The following NCAPD3 variants were observed in gnomAD, a reference collection of about 807,000 sequenced individuals.
NCAPD3 encodes the protein condensin-2 complex subunit D3.
Under a neutral mutation model 182.9 loss-of-function variants are expected in NCAPD3, and 105 were observed. The ratio of observed to expected loss-of-function variants is 0.57; its 90% confidence interval spans 0.49 to 0.68. NCAPD3 has a LOEUF of 0.68. NCAPD3 is among the 30% of genes least tolerant of loss of function. NCAPD3 has a pLI of 0.00. For missense variants in NCAPD3, 1,944 were observed against 1,837.0 expected (o/e 1.06, Z -1.07); for synonymous variants, 815 against 679.9 (o/e 1.20, Z -3.09).
At chr11:134,162,626 T>C (rs1943619129) in intron 27 of NCAPD3, among the ~76,000 whole-genome samples, 1 of 152,222 alleles carries the variant, frequency 6.6e-6, no homozygotes, top group South Asian at 2.1e-4. Context: ...TAAAAAGTCT[T>C]ATCAGAGTTC....
At chr11:134,203,520 TA>T in intron 11 of NCAPD3, 133 bp downstream of exon 11, 2 of 1,213,748 alleles carry the variant, frequency 1.6e-6, no homozygotes, top group South Asian at 1.6e-5. Context: ...GAAAATATAC[TA>T]AAAATGGTTT....
chr11:134,167,699 CACTAG>C (rs1943890033), intron 27 of NCAPD3, among the ~76,000 whole-genome samples: 1 of 123,604 alleles, frequency 8.1e-6, no homozygotes, highest in African/African-American at 3.1e-5. Context: ...GGGGCACACT[CACTAG>C]TGAGGTGAGC....
chr11:134,203,759 C>G lies in NCAPD3; in HGVS notation c.1363G>C (p.Asp455His). Residue 455 changes from aspartate to histidine, a missense_variant, in exon 11 of 35, where the codon GAC (aspartate) becomes CAC (histidine). Asp to His is a moderately conservative substitution (Grantham distance 81). Transcript: ENST00000534548. ...VQEIMFDRCL[D>H]KAPTVRSKAL... Reference sequence around the variant, plus strand: ...TTGCTGCGGACAGTAGGCGCCTTGTCTAAGCAACGATCAAACATAATTTCC... The same window carrying G: ...TTGCTGCGGACAGTAGGCGCCTTGTGTAAGCAACGATCAAACATAATTTCC... 6.2e-7 allele frequency: 1 copy of G among 1,614,182 alleles called. No individual in the cohort carries two copies. The highest frequency in any genetic ancestry group is 8.5e-7 in the Non-Finnish European group (1 of 1,180,034).
intron 27 of NCAPD3, among the ~76,000 whole-genome samples, chr11:134,164,518 C>G (rs1023578239): frequency 6.6e-6 from 1 of 152,094 alleles, no homozygotes; most frequent in South Asian, 2.1e-4. Flanking sequence ...AACACGGAAG[C>G]CAGTAGATGG....
intron 28 of NCAPD3, among the ~76,000 whole-genome samples, chr11:134,161,443 C>T (rs1164888688): frequency 6.6e-6 from 1 of 152,206 alleles, no homozygotes; most frequent in Non-Finnish European, 1.5e-5. Context: ...CGAAGACTCA[C>T]TTTCACCTTA....
At chr11:134,168,700 G>A (rs1463469136) in intron 25 of NCAPD3, 98 bp from the exon 26 acceptor site, 1 of 1,521,638 alleles carries the variant, frequency 6.6e-7, no homozygotes, top group Non-Finnish European at 9.0e-7. Context: ...GCATGCCAAA[G>A]ACTCCAGTGC....
chr11:134,162,897 A>C (rs1943628322), intron 27 of NCAPD3, among the ~76,000 whole-genome samples: 1 of 152,170 alleles, frequency 6.6e-6, no homozygotes, highest in African/African-American at 2.4e-5. Context: ...TAGGGAATTT[A>C]GGTATGGAGA....
intron 32 of NCAPD3, among the ~76,000 whole-genome samples, chr11:134,154,257 G>A (rs1023849552): frequency 3.3e-5 from 5 of 152,146 alleles, no homozygotes; most frequent in African/African-American, 1.2e-4. Flanking sequence ...CATCACTGGA[G>A]TTATGTTTCA....
chr11:134,213,519 T>C (rs2136024990), intron 3 of NCAPD3, among the ~76,000 whole-genome samples: 1 of 151,878 alleles, frequency 6.6e-6, no homozygotes, highest in South Asian at 2.1e-4. Context: ...GGTTTCACCA[T>C]GTTGGCCAGG....
intron 24 of NCAPD3, 28 bp downstream of exon 24, chr11:134,176,279 A>G: frequency 6.3e-7 from 1 of 1,587,824 alleles, no homozygotes; most frequent in Non-Finnish European, 8.6e-7. Context: ...TAAACTGTTG[A>G]GTCGTCTGAC....
At position 134,178,745 on chromosome 11, in the gene NCAPD3, C is replaced by CA. The variant is rs773912479; in HGVS notation, c.2675-5dup. On this transcript the variant is annotated splice_region_variant and splice_polypyrimidine_tract_variant and intron_variant, in intron 21 of 34. Transcript: ENST00000534548. ...CTGCTGCCTTGAGATGATGGTGCTG[C>CA]AAAGAAGGGAGAGAAAGTTACCGAC... is the stretch of plus-strand genomic sequence containing the variant. 6.2e-7 allele frequency: 1 copy of CA among 1,608,210 alleles called. No homozygotes were observed. The highest frequency in any genetic ancestry group is 8.5e-7 in the Non-Finnish European group (1 of 1,175,808).
At chr11:134,191,192 T>C (rs1168492692) in intron 16 of NCAPD3, among the ~76,000 whole-genome samples, 1 of 152,170 alleles carries the variant, frequency 6.6e-6, no homozygotes, top group Non-Finnish European at 1.5e-5. Flanking sequence ...AGCCCATGTT[T>C]GTTTGTTTGT....
At chr11:134,224,019 G>GT, upstream of NCAPD3, 2 of 1,473,434 alleles carry the variant, frequency 1.4e-6, no homozygotes, top group Non-Finnish European at 1.9e-6. Flanking sequence ...CAATCACAAC[G>GT]TACAGAATTT....
intron 18 of NCAPD3, 54 bp from the exon 19 acceptor site, chr11:134,184,806 T>TACACACACAC (rs1466832733): frequency 2.8e-6 from 3 of 1,068,182 alleles, no homozygotes; most frequent in Non-Finnish European, 4.1e-6. Flanking sequence ...TATTCAGGTA[T>TACACACACAC]ATATACACAC....
In NCAPD3 at chr11:134,202,946, T is replaced by C. The variant is rs199577045; in HGVS notation, c.1526-41A>G. On this transcript the variant is annotated intron_variant, in intron 12 of 34. Transcript: ENST00000534548. ...TACAGTCATTAAGCTAAAAATGTGT[T>C]ATACTTTTAATAACATTAGCAGGGC... 7.4e-5 allele frequency: 110 copies of C among 1,484,302 alleles called. No homozygotes were observed. In the Middle Eastern group the frequency reaches 1.9e-3, roughly 26 times the overall value. The allele number at this position is 1,484,302 out of a possible 1,614,324, so 91.9% of individuals were successfully genotyped here.
intron 27 of NCAPD3, among the ~76,000 whole-genome samples, chr11:134,162,856 T>C (rs1489711154): frequency 6.6e-6 from 1 of 152,128 alleles, no homozygotes; most frequent in Non-Finnish European, 1.5e-5. Context: ...AGTGTGTGTC[T>C]CAAGGGAAGA....
chr11:134,183,717 G>A (rs1327993138), intron 19 of NCAPD3, among the ~76,000 whole-genome samples: 1 of 152,166 alleles, frequency 6.6e-6, no homozygotes, highest in Non-Finnish European at 1.5e-5. Flanking sequence ...TAAGAAATAG[G>A]TCAACAGTCT....
At chr11:134,191,459 C>T (rs1467500931) in intron 16 of NCAPD3, among the ~76,000 whole-genome samples, 1 of 151,914 alleles carries the variant, frequency 6.6e-6, no homozygotes, top group Non-Finnish European at 1.5e-5. Flanking sequence ...TATTTACTGA[C>T]CTTATGGTTT....
chr11:134,169,745 G>A (rs1484656757), intron 24 of NCAPD3, among the ~76,000 whole-genome samples: 1 of 152,218 alleles, frequency 6.6e-6, no homozygotes, highest in Non-Finnish European at 1.5e-5. Context: ...CAGGCAAACT[G>A]TTTGACTACA....
Sources: gnomAD v4.1 joint callset for allele counts (sites outside exome capture counted in the v4.1 genomes callset) on GRCh38, gnomAD v4.1.1 for gene constraint, MANE v1.5 for transcripts, NCBI Gene and HGNC (gene_info 2026-07-23, HGNC 2026-07-21) for gene names.